The following GRAMD1B variants were observed in gnomAD, a reference collection of about 807,000 sequenced individuals.
GRAMD1B encodes the protein protein Aster-B.
GRAMD1B carries 37 observed loss-of-function variants against 99.7 expected under a neutral mutation model. The ratio of observed to expected loss-of-function variants is 0.37; its 90% CI spans 0.29 to 0.49. GRAMD1B has a LOEUF of 0.49. Among genes scored for constraint, GRAMD1B ranks in the 20% least tolerant of loss-of-function variants. The pLI, the probability that GRAMD1B is intolerant of heterozygous loss-of-function variation, is 0.98. For missense variants in GRAMD1B, 888 were observed against 1,009.2 expected, an observed-to-expected ratio of 0.88 and a Z score of 1.63; for synonymous variants, 427 against 387.6, an observed-to-expected ratio of 1.10 and a Z score of -1.19.
chr11:123,602,864 GGAACGTAA>G (rs1415680239), intron 8 of GRAMD1B, among the ~76,000 whole-genome samples: 2 of 152,182 alleles, frequency 1.3e-5, no homozygotes, highest in Non-Finnish European at 2.9e-5. Context: ...TAAAACTGTG[GGAACGTAA>G]GACTCTACCC....
intron 1 of GRAMD1B, among the ~76,000 whole-genome samples, chr11:123,403,720 T>C (rs1947755076): frequency 6.6e-6 from 1 of 151,546 alleles, no homozygotes; most frequent in African/African-American, 2.4e-5. Context: ...ATTTTTGTAT[T>C]TTTAGTAGAG....
chr11:123,449,649 ACT>A (rs1488766225), intron 1 of GRAMD1B, among the ~76,000 whole-genome samples: 10 of 148,832 alleles, frequency 6.7e-5, no homozygotes, highest in Non-Finnish European at 1.5e-4. Context: ...ATATTGACTC[ACT>A]GCAGCCTTGA....
Position 123,591,155 on chromosome 11 carries a change from C to T in GRAMD1B, c.685-2927C>T. On this transcript the variant is annotated intron_variant, in intron 4 of 19. Coordinates refer to ENST00000635736, the MANE Select transcript of GRAMD1B (RefSeq NM_001387025.1). The surrounding 1 kb of genome is among the most constrained non-coding windows in gnomAD (Gnocchi z 4.7). ...AGCCCGCCATGGGAGACTGGCTGGCCAGCTTGTCCTGAGAACCACGCTGAC... is the reference window on the plus strand; with the variant it reads ...AGCCCGCCATGGGAGACTGGCTGGCTAGCTTGTCCTGAGAACCACGCTGAC... The T allele has an allele frequency of 2.9e-6, 1 of 342,784 alleles. No homozygotes were observed. Among genetic ancestry groups the T allele is most frequent in the Non-Finnish European group, 5.2e-6 (1 of 190,822 alleles). 21.2% of individuals were successfully genotyped at this position (342,784 alleles called of 1,614,324 possible).
chr11:123,556,411 AT>A (rs1946190335), intron 2 of GRAMD1B, among the ~76,000 whole-genome samples: 1 of 152,228 alleles, frequency 6.6e-6, no homozygotes, highest in South Asian at 2.1e-4. Context: ...CAGGAAGTGA[AT>A]AAAATACTAT....
At chr11:123,431,296 G>C in intron 1 of GRAMD1B, 130 bp downstream of exon 1, 1 of 593,238 alleles carries the variant, frequency 1.7e-6, no homozygotes, top group East Asian at 2.8e-5. Context: ...CGCTTCTGGA[G>C]GGCGCTGCGC....
intron 1 of GRAMD1B, among the ~76,000 whole-genome samples, chr11:123,478,044 C>T (rs1462716468): frequency 6.6e-6 from 1 of 152,110 alleles, no homozygotes; most frequent in Non-Finnish European, 1.5e-5. Flanking sequence ...CCACCCGCCT[C>T]GCCTCCCAAA....
chr11:123,446,117 T>G (rs1396574818), intron 1 of GRAMD1B, among the ~76,000 whole-genome samples: 2 of 152,150 alleles, frequency 1.3e-5, no homozygotes, highest in African/African-American at 2.4e-5. Flanking sequence ...GGCTTTGTAC[T>G]TGGACCTCAC....
At chr11:123,472,221 CTG>C (rs1951049516) in intron 1 of GRAMD1B, among the ~76,000 whole-genome samples, 1 of 144,910 alleles carries the variant, frequency 6.9e-6, no homozygotes, top group Non-Finnish European at 1.5e-5. Context: ...GAGCAAGACT[CTG>C]TCTCAAAAAA....
intron 1 of GRAMD1B, chr11:123,435,832 C>T (rs980974305): frequency 7.6e-5 from 14 of 185,004 alleles, no homozygotes; most frequent in Admixed American, 6.1e-5. Flanking sequence ...TACAATTCAC[C>T]TATTTAAAGC....
At chr11:123,599,178 T>C in intron 7 of GRAMD1B, 1 of 775,608 alleles carries the variant, frequency 1.3e-6, no homozygotes, top group South Asian at 1.3e-5. Context: ...GTGGAATTCC[T>C]TTATTTGCTT....
intron 2 of GRAMD1B, among the ~76,000 whole-genome samples, chr11:123,530,663 G>A (rs1187317516): frequency 1.3e-5 from 2 of 152,236 alleles, no homozygotes; most frequent in South Asian, 2.1e-4. Context: ...TTACAGGCAT[G>A]AGCCATCGTG....
At chr11:123,380,636 A>G (rs575283383) in intron 1 of GRAMD1B, among the ~76,000 whole-genome samples, 97 of 152,310 alleles carry the variant, frequency 6.4e-4, no homozygotes, top group African/African-American at 2.3e-3. Context: ...TAAAGAGAAT[A>G]GGAGGCTGCT....
At chr11:123,413,698 AG>A (rs1465556072) in intron 1 of GRAMD1B, among the ~76,000 whole-genome samples, 1 of 152,164 alleles carries the variant, frequency 6.6e-6, no homozygotes, top group Non-Finnish European at 1.5e-5. Flanking sequence ...AAATGTTCAG[AG>A]GTCATCCAGG....
intron 1 of GRAMD1B, among the ~76,000 whole-genome samples, chr11:123,421,136 A>G (rs1318249889): frequency 6.6e-6 from 1 of 152,238 alleles, no homozygotes. Context: ...GTATTAGGGT[A>G]ATTTCCCACA....
intron 2 of GRAMD1B, among the ~76,000 whole-genome samples, chr11:123,565,572 G>A (rs936562130): frequency 3.3e-5 from 5 of 152,186 alleles, no homozygotes; most frequent in South Asian, 2.1e-4. Flanking sequence ...GATAATGATC[G>A]CTGAGACTCA....
chr11:123,448,287 C>G (rs1007543946), intron 1 of GRAMD1B, among the ~76,000 whole-genome samples: 1 of 151,932 alleles, frequency 6.6e-6, no homozygotes, highest in Non-Finnish European at 1.5e-5. Flanking sequence ...CAGTCTTGCT[C>G]TGTTGCCCAG....
At chr11:123,496,211 G>T (rs1348090553) in intron 2 of GRAMD1B, among the ~76,000 whole-genome samples, 1 of 151,874 alleles carries the variant, frequency 6.6e-6, no homozygotes, top group African/African-American at 2.4e-5. Flanking sequence ...GTGCTTAAAG[G>T]TTACTTTCAC....
chr11:123,463,833 G>C (rs1428135756), intron 1 of GRAMD1B, among the ~76,000 whole-genome samples: 1 of 152,166 alleles, frequency 6.6e-6, no homozygotes, highest in African/African-American at 2.4e-5. Context: ...TGGGAGATTT[G>C]GGGAGCACGA....
intron 2 of GRAMD1B, among the ~76,000 whole-genome samples, chr11:123,513,990 G>A (rs752370796): frequency 6.6e-6 from 1 of 152,098 alleles, no homozygotes; most frequent in East Asian, 1.9e-4. Context: ...AAGAGGTTAG[G>A]GAGCATTAAT....
Sources: allele counts gnomAD v4.1 joint callset (sites outside exome capture counted in the v4.1 genomes callset), GRCh38; gene constraint gnomAD v4.1.1; non-coding constraint Gnocchi (gnomAD v3.1); transcripts MANE v1.5; gene names NCBI Gene and HGNC (gene_info 2026-07-23, HGNC 2026-07-21).